Variants in MTO1 observed in about 807,000 individuals in gnomAD.
The protein encoded by MTO1 is 5-taurinomethyluridine-[tRNA] synthase subunit MTO1, mitochondrial.
MTO1 carries 46 observed loss-of-function variants against 71.6 expected under a neutral mutation model. The observed-to-expected ratio is 0.64, with a 90% CI of 0.51 to 0.82. The LOEUF (loss-of-function observed/expected upper bound fraction) is 0.82, where lower values mean the gene tolerates loss of function less well. Ranked by LOEUF, MTO1 falls within the 40% of genes least tolerant of loss-of-function variation. The probability of loss-of-function intolerance (pLI) is 0.00; values close to 1 mark genes in which losing one functional copy is unlikely to be tolerated. For synonymous variants in MTO1, 297 were observed against 312.1 expected, an observed-to-expected ratio of 0.95 and a Z score of 0.51; for missense variants, 773 against 867.5, an observed-to-expected ratio of 0.89 and a Z score of 1.37.
At chr6:73,490,765 A>G (rs1212745770) in intron 9 of MTO1, among the ~76,000 whole-genome samples, 1 of 151,942 alleles carries the variant, frequency 6.6e-6, no homozygotes, top group African/African-American at 2.4e-5. Flanking sequence ...AGTAAATTAC[A>G]GCAAAATAAA....
At chr6:73,480,585 T>C (rs1405569189) in intron 6 of MTO1, 90 bp from the exon 7 acceptor site, 2 of 1,505,696 alleles carry the variant, frequency 1.3e-6, no homozygotes, top group Non-Finnish European at 1.8e-6. Flanking sequence ...AGTCTGTTTT[T>C]AAAGGGCATT....
chr6:73,465,268 A>C (rs945453593), intron 1 of MTO1, among the ~76,000 whole-genome samples: 2 of 151,338 alleles, frequency 1.3e-5, no homozygotes, highest in African/African-American at 4.9e-5. Flanking sequence ...GGGTCAAGCG[A>C]TTCTTTTGCC....
chr6:73,471,053 T>C (rs143717944), intron 3 of MTO1, among the ~76,000 whole-genome samples: 28 of 152,334 alleles, frequency 1.8e-4, no homozygotes, highest in African/African-American at 6.7e-4. Context: ...TTGTGTGGTC[T>C]TTCTACCTAG....
In MTO1 at chr6:73,495,757, TTACCTCA is replaced by T. The variant is rs551910834; in HGVS notation, c.1757-1976_1757-1970del. On this transcript the variant is annotated intron_variant, in intron 10 of 11. Coordinates refer to ENST00000498286, the MANE Select transcript of MTO1 (RefSeq NM_012123.4). ...CCCTTATATACCTTTAGCATATGCA[TTACCTCA>T]TATATTTCATGATACCTTGAAGAGT... 3.6e-3 allele frequency among the ~76,000 whole-genome samples: 551 copies of T among 152,298 alleles called. 4 individuals are homozygous for T. Among genetic ancestry groups the T allele is most frequent in the African/African-American group, 0.013 (527 of 41,556 alleles).
rs531539277 is a variant in MTO1, at chr6:73,504,562, T to C, written c.*3827T>C. 1.3e-5 allele frequency: 2 copies of C among 152,328 alleles called. No individual in the cohort carries two copies. The highest frequency in any genetic ancestry group is 3.9e-4 in the East Asian group (2 of 5,188). 9.4% of individuals were successfully genotyped at this position (152,328 alleles called of 1,614,324 possible). On this transcript the variant is annotated 3_prime_UTR_variant, in exon 12 of 12. Transcript: ENST00000498286. ...TACTACTAAAGGCAAGAAATGGTATTACTAAAACTCAAGTGAATAATTAAA... is the reference window on the plus strand; with the variant it reads ...TACTACTAAAGGCAAGAAATGGTATCACTAAAACTCAAGTGAATAATTAAA...
At chr6:73,465,329 A>AT (rs538297517) in intron 1 of MTO1, among the ~76,000 whole-genome samples, 1 of 151,656 alleles carries the variant, frequency 6.6e-6, no homozygotes, top group Admixed American at 6.6e-5. Flanking sequence ...ATGCCTGGCT[A>AT]TTTTTTTGTA....
intron 9 of MTO1, among the ~76,000 whole-genome samples, chr6:73,484,625 T>A (rs1383404515): frequency 6.6e-6 from 1 of 152,208 alleles, no homozygotes; most frequent in African/African-American, 2.4e-5. Context: ...TATATTTGTT[T>A]ACTAGCTAAC....
intron 9 of MTO1, among the ~76,000 whole-genome samples, chr6:73,490,656 A>C (rs578197496): frequency 6.6e-6 from 1 of 151,982 alleles, no homozygotes; most frequent in African/African-American, 2.4e-5. Flanking sequence ...TCTTTTTTCA[A>C]AATTGTTTTG....
chr6:73,482,823 G>A (rs1582688141), intron 9 of MTO1, among the ~76,000 whole-genome samples: 2 of 106,162 alleles, frequency 1.9e-5, no homozygotes, highest in South Asian at 3.2e-4. Flanking sequence ...AGACAGTCTC[G>A]CTCTTTCACC....
intron 9 of MTO1, among the ~76,000 whole-genome samples, chr6:73,489,278 C>CTTTTTTTTTTTTTT (rs35006239): frequency 7.0e-6 from 1 of 143,476 alleles, no homozygotes; most frequent in African/African-American, 2.6e-5. Context: ...TTCTTTTTTT[C>CTTTTTTTTTTTTTT]TTTTTTTTTT....
chr6:73,507,895 T>C lies in MTO1; in HGVS notation c.*7160T>C, dbSNP rs533541850. 1 of 146,608 alleles carries C rather than the reference T, an allele frequency of 6.8e-6. No individual in the cohort carries two copies. The highest frequency in any genetic ancestry group is 2.1e-4 in the South Asian group (1 of 4,674). The allele number at this position is 146,608 out of a possible 1,614,324, so 9.1% of individuals were successfully genotyped here. A position where few individuals can be genotyped will look rare whatever the true frequency, so the allele number is the denominator to read the frequency against. ...GGGAGGCTGAGGCAGGAGAATGGCG[T>C]GAAGCCAGGAGGCGGAGCTTGCAAT... On this transcript the variant is annotated 3_prime_UTR_variant, in exon 12 of 12. Coordinates refer to ENST00000498286, the MANE Select transcript of MTO1 (RefSeq NM_012123.4).
Position 73,466,220 on chromosome 6 carries a change from T to A in MTO1, c.229T>A (p.Cys77Ser). The A allele has an allele frequency of 6.2e-7, 1 of 1,613,118 alleles. No homozygotes were observed. Among genetic ancestry groups the A allele is most frequent in the South Asian group, 1.1e-5 (1 of 91,058 alleles). ...HRVDTIGQMS[C>S]NPSFGGIGKG... ...TCTATTATCTTTAGGTCAGATGTCA[T>A]GTAATCCTTCCTTTGGTGGCATCGG... The change falls in exon 2 of 12, where the codon TGT becomes AGT. Residue 77 changes from cysteine to serine, a missense_variant. Cys to Ser is a moderately radical substitution (Grantham distance 112, BLOSUM62 -1). Transcript: ENST00000498286.
chr6:73,496,734 G>A (rs1224219118), intron 10 of MTO1, among the ~76,000 whole-genome samples: 2 of 148,470 alleles, frequency 1.3e-5, no homozygotes, highest in Admixed American at 1.4e-4. Flanking sequence ...TGCAGTGTTT[G>A]GTTCAAAAAA....
intron 10 of MTO1, 128 bp from the exon 11 acceptor site, chr6:73,497,608 A>C (rs1772025028): frequency 1.1e-6 from 1 of 914,970 alleles, no homozygotes; most frequent in Admixed American, 2.7e-5. Context: ...AACCCATCTC[A>C]TGAAATGAGT....
At chr6:73,495,576 A>G (rs1771958030) in intron 10 of MTO1, among the ~76,000 whole-genome samples, 1 of 152,030 alleles carries the variant, frequency 6.6e-6, no homozygotes, top group East Asian at 1.9e-4. Flanking sequence ...AAAAAAAACT[A>G]TACTAGATTG....
At chr6:73,494,920 T>C (rs1181357385) in intron 10 of MTO1, among the ~76,000 whole-genome samples, 1 of 150,192 alleles carries the variant, frequency 6.7e-6, no homozygotes, top group Non-Finnish European at 1.5e-5. Flanking sequence ...GCTGGGACTA[T>C]AGGCGCGCAC....
intron 9 of MTO1, among the ~76,000 whole-genome samples, chr6:73,483,999 G>A (rs1035373684): frequency 1.3e-5 from 2 of 151,874 alleles, no homozygotes; most frequent in East Asian, 1.9e-4. Flanking sequence ...GGCTGTGCTC[G>A]AACTCTTGAC....
chr6:73,482,500 G>T lies in MTO1; in HGVS notation c.1517G>T (p.Trp506Leu). ...VSQQRYERAC[W>L]MKSSLEEGIS... ...CAACAACGATATGAAAGAGCTTGTT[G>T]GATGAAGTCTTCTTTAGAAGAAGGC... is the stretch of plus-strand genomic sequence containing the variant. The change falls in exon 9 of 12, where the codon TGG (tryptophan) becomes TTG (leucine). Residue 506 changes from tryptophan (W) to leucine (L), a missense_variant. Trp to Leu is a moderately conservative substitution (Grantham distance 61, BLOSUM62 -2). Transcript: ENST00000498286. 6.2e-7 allele frequency: 1 copy of T among 1,613,452 alleles called. No homozygotes were observed. The highest frequency in any genetic ancestry group is 8.5e-7 in the Non-Finnish European group (1 of 1,179,856).
At chr6:73,494,466 TTTC>T (rs1424974891) in intron 10 of MTO1, among the ~76,000 whole-genome samples, 1 of 146,880 alleles carries the variant, frequency 6.8e-6, no homozygotes, top group Non-Finnish European at 1.5e-5. Context: ...GCAGTGGCAT[TTTC>T]TTTTTTTTTC....
Sources: gnomAD v4.1 joint callset for allele counts (sites outside exome capture counted in the v4.1 genomes callset) on GRCh38, gnomAD v4.1.1 for gene constraint, MANE v1.5 for transcripts, NCBI Gene and HGNC (gene_info 2026-07-23, HGNC 2026-07-21) for gene names.